The following ROBO2 variants were observed in gnomAD, a reference collection of about 807,000 sequenced individuals.
The protein encoded by ROBO2 is roundabout homolog 2.
ROBO2 carries 53 observed loss-of-function variants against 160.8 expected under a neutral mutation model. The observed-to-expected ratio is 0.33, with a 90% CI of 0.26 to 0.41. The LOEUF is 0.41. Ranked by LOEUF, ROBO2 falls within the 10% of genes least tolerant of loss-of-function variation. The probability of loss-of-function intolerance (pLI) is 1.00; values close to 1 mark genes in which losing one functional copy is unlikely to be tolerated. For synonymous variants in ROBO2, 664 were observed against 611.7 expected, an observed-to-expected ratio of 1.09 and a Z score of -1.26; for missense variants, 1,577 against 1,722.4, an observed-to-expected ratio of 0.92 and a Z score of 1.49.
At chr3:76,082,350 T>C (rs2068863758) in intron 2 of ROBO2, among the ~76,000 whole-genome samples, 1 of 152,082 alleles carries the variant, frequency 6.6e-6, no homozygotes, top group South Asian at 2.1e-4. Flanking sequence ...ACTAAGTGTG[T>C]AAAGGCATAA....
intron 2 of ROBO2, among the ~76,000 whole-genome samples, chr3:77,340,495 A>G (rs1001072705): frequency 2.6e-5 from 4 of 152,112 alleles, no homozygotes; most frequent in East Asian, 1.9e-4. Flanking sequence ...ATAAATATTC[A>G]TTGCCAGTTT....
At chr3:77,072,098 C>T (rs941154732) in intron 1 of ROBO2, among the ~76,000 whole-genome samples, 3 of 152,008 alleles carry the variant, frequency 2.0e-5, no homozygotes, top group Middle Eastern at 3.2e-3. Context: ...TCAGCAGTTG[C>T]GTTAGATTCT....
rs559328558 is a variant in ROBO2 at position 76,422,014 on chromosome 3, T to C, written c.109+484412T>C. On this transcript the variant is annotated intron_variant, in intron 2 of 26. Coordinates refer to the ROBO2 transcript ENST00000487694. ...GTACCCAGTAATATTGAACTGTAAA[T>C]CGTAGGTTCTTAGTAACTTCCTTTG... Among the ~76,000 whole-genome samples, 40 of 152,240 alleles carry C rather than the reference T, an allele frequency of 2.6e-4. No individual in the cohort carries two copies. The South Asian group carries it at 8.1e-3, about 31-fold the overall frequency.
intron 2 of ROBO2, among the ~76,000 whole-genome samples, chr3:76,738,845 T>C (rs973233275): frequency 6.6e-6 from 1 of 152,200 alleles, no homozygotes; most frequent in Non-Finnish European, 1.5e-5. Context: ...TGATTGTTTT[T>C]TTTTCTTTTT....
At chr3:76,557,756 A>G (rs944522503) in intron 2 of ROBO2, among the ~76,000 whole-genome samples, 3 of 151,680 alleles carry the variant, frequency 2.0e-5, no homozygotes, top group Admixed American at 6.6e-5. Context: ...AGTATTCTAG[A>G]CTTAGAACTC....
At chr3:77,546,073 T>G (rs914884279) in intron 6 of ROBO2, among the ~76,000 whole-genome samples, 6 of 152,174 alleles carry the variant, frequency 3.9e-5, no homozygotes, top group African/African-American at 1.4e-4. Flanking sequence ...TTTAAAAATC[T>G]AATTTTCTAT....
At chr3:75,966,825 G>A (rs1949133864) in intron 2 of ROBO2, among the ~76,000 whole-genome samples, 1 of 151,556 alleles carries the variant, frequency 6.6e-6, no homozygotes, top group Non-Finnish European at 1.5e-5. Flanking sequence ...AATTTCTGTT[G>A]TGGAAAAATA....
rs574653438 is a variant in ROBO2 at position 77,101,356 on chromosome 3, T to A, written c.388+3016T>A. The stretch of plus-strand genomic sequence containing the variant: ...TATATAGTGCTACCATCCATAGAGG[T>A]GAGGGGCAGGTACAGGAGAAATAAC... On this transcript the variant is annotated intron_variant, in intron 2 of 25. Coordinates refer to ENST00000461745, the Ensembl canonical transcript of ROBO2. Among the ~76,000 whole-genome samples the A allele has an allele frequency of 4.6e-5, 7 of 152,228 alleles. No individual in the cohort carries two copies. The South Asian group carries it at 1.5e-3, about 32-fold the overall frequency.
At chr3:76,583,256 A>G (rs1490975651) in intron 2 of ROBO2, among the ~76,000 whole-genome samples, 4 of 152,182 alleles carry the variant, frequency 2.6e-5, no homozygotes, top group Non-Finnish European at 5.9e-5. Context: ...CTGACTCATG[A>G]GTGATGCTTA....
At chr3:76,465,905 C>CA (rs1171763698) in intron 2 of ROBO2, among the ~76,000 whole-genome samples, 2 of 151,472 alleles carry the variant, frequency 1.3e-5, no homozygotes, top group African/African-American at 4.8e-5. Context: ...TAAGCAAAGA[C>CA]AAAAAAACAC....
chr3:76,837,003 G>T (rs1245187421), intron 2 of ROBO2, among the ~76,000 whole-genome samples: 1 of 150,110 alleles, frequency 6.7e-6, no homozygotes, highest in Non-Finnish European at 1.5e-5. Flanking sequence ...GACTATAATT[G>T]TGAAATTGCA....
Position 76,685,960 on chromosome 3 carries a change from A to C in ROBO2, c.110-412054A>C, listed in dbSNP as rs2092676344. ...TGCTTAACTTTGGAAGGTAGAAAAC[A>C]TGGCCTTGAGAGCATAAGCAAAAGG... On this transcript the variant is annotated intron_variant, in intron 2 of 26. Coordinates refer to the ROBO2 transcript ENST00000487694. Among the ~76,000 whole-genome samples the C allele has an allele frequency of 2.0e-5, 3 of 152,232 alleles. No homozygotes were observed. In the South Asian group the frequency reaches 6.2e-4, roughly 32 times the overall value.
chr3:76,406,970 C>T (rs1159061456), intron 2 of ROBO2, among the ~76,000 whole-genome samples: 2 of 149,918 alleles, frequency 1.3e-5, no homozygotes, highest in Non-Finnish European at 3.0e-5. Flanking sequence ...CAAAACCCCA[C>T]ATAAACTGGC....
At chr3:76,974,382 C>A (rs2059713823) in intron 2 of ROBO2, among the ~76,000 whole-genome samples, 1 of 151,964 alleles carries the variant, frequency 6.6e-6, no homozygotes, top group African/African-American at 2.4e-5. Context: ...AATAGCTGGC[C>A]AGAAACTGTC....
chr3:77,527,491 G>A, intron 6 of ROBO2, 77 bp downstream of exon 7: 1 of 1,000,052 alleles, frequency 1.0e-6, no homozygotes, highest in South Asian at 1.5e-5. Context: ...AGATTTGACA[G>A]AATGAAATAT....
chr3:77,577,597 A>T lies in ROBO2; in HGVS notation c.2311A>T (p.Ile771Phe), dbSNP rs767850555. The T allele has an allele frequency of 2.5e-6, 4 of 1,613,372 alleles. No individual in the cohort carries two copies. In the South Asian group the frequency reaches 4.4e-5, roughly 18 times the overall value. The change falls in exon 15 of 26, where the codon ATT becomes TTT. Residue 771 changes from isoleucine (I) to phenylalanine (F), a missense_variant. By Grantham distance (21) the Ile-to-Phe change is conservative. Coordinates refer to ENST00000461745, the Ensembl canonical transcript of ROBO2. ...TCCTCCTCCAGATCACCAGAATGGA[A>T]TTATCCAAGAATACAAGGTAGGACC...
rs577741417 is a variant in ROBO2, at chr3:76,524,287, T to G, written c.110-573727T>G. 1.5e-3 allele frequency among the ~76,000 whole-genome samples: 227 copies of G among 152,010 alleles called. 1 individual carries two copies. The highest frequency in any genetic ancestry group is 5.2e-3 in the African/African-American group (216 of 41,516). On this transcript the variant is annotated intron_variant, in intron 2 of 26. Coordinates refer to the ROBO2 transcript ENST00000487694. ...TTTGGAAACATTTACTAAAGAGTAG[T>G]GATATGATTATTGCTCAAAGGGAGC...
chr3:76,066,772 C>T (rs2068266885), intron 2 of ROBO2, among the ~76,000 whole-genome samples: 1 of 151,736 alleles, frequency 6.6e-6, no homozygotes, highest in Non-Finnish European at 1.5e-5. Flanking sequence ...TTTCTGTTCT[C>T]TTTAAAATTT....
intron 2 of ROBO2, among the ~76,000 whole-genome samples, chr3:76,544,927 C>T (rs912046342): frequency 6.6e-5 from 10 of 151,902 alleles, no homozygotes; most frequent in East Asian, 5.8e-4. Context: ...TTTTCTAGTT[C>T]GGACTCCTAT....
Sources: gnomAD v4.1 joint callset for allele counts (sites outside exome capture counted in the v4.1 genomes callset) on GRCh38, gnomAD v4.1.1 for gene constraint, MANE v1.5 for transcripts, NCBI Gene and HGNC (gene_info 2026-07-23, HGNC 2026-07-21) for gene names.